Variants in NEK1 observed in about 807,000 individuals in gnomAD.
NEK1 encodes the protein serine/threonine-protein kinase Nek1.
In NEK1, 137 loss-of-function variants were observed where a neutral mutation model predicts 182.1. The ratio of observed to expected loss-of-function variants is 0.75; its 90% CI spans 0.65 to 0.87. NEK1 has a LOEUF of 0.87. NEK1 is among the 40% of genes least tolerant of loss of function. The probability of loss-of-function intolerance (pLI) is 0.00; values close to 1 mark genes in which losing one functional copy is unlikely to be tolerated. For missense variants in NEK1, 1,391 were observed against 1,494.4 expected, an observed-to-expected ratio of 0.93 and a Z score of 1.14; for synonymous variants, 513 against 492.2, an observed-to-expected ratio of 1.04 and a Z score of -0.56.
chr4:169,515,772 G>C (rs1365348916), intron 19 of NEK1, among the ~76,000 whole-genome samples: 3 of 46,684 alleles, frequency 6.4e-5, no homozygotes, highest in Non-Finnish European at 8.4e-5. Flanking sequence ...TTGTTCTTGC[G>C]ATAGTTTACT....
rs1416557261 is a variant in NEK1 at position 169,479,468 on chromosome 4, A to C, written c.2074T>G (p.Ser692Ala). Residue 692 changes from serine (S) to alanine (A), a missense_variant, in exon 24 of 36, where the codon TCT (serine) becomes GCT (alanine). This residue lies in a region of NEK1 where 1,216 missense variants were observed against 1,277.6 expected (regional missense o/e 0.95). Transcript: ENST00000507142. ...PPLGQHETGG[S>A]PSKQQMRSVI... The stretch of plus-strand genomic sequence containing the variant: ...GATCTCATCTGTTGCTTTGATGGAG[A>C]GCCACCTGTTTCATGCTGTCCCAAA... 3.1e-6 allele frequency: 5 copies of C among 1,612,148 alleles called. No individual in the cohort carries two copies. In the East Asian group the frequency reaches 1.1e-4, roughly 36 times the overall value.
At chr4:169,535,310 C>T (rs189997004) in intron 19 of NEK1, among the ~76,000 whole-genome samples, 23 of 151,596 alleles carry the variant, frequency 1.5e-4, no homozygotes, top group Admixed American at 3.9e-4. Flanking sequence ...GCAACAAGAG[C>T]GAAAACTCTG....
intron 23 of NEK1, among the ~76,000 whole-genome samples, chr4:169,498,811 A>G (rs576673881): frequency 3.9e-5 from 6 of 152,300 alleles, no homozygotes; most frequent in Admixed American, 2.0e-4. Context: ...TAGGTAACCC[A>G]ACCTTTCTCT....
intron 23 of NEK1, among the ~76,000 whole-genome samples, chr4:169,495,993 A>C (rs375750205): frequency 8.5e-5 from 13 of 152,252 alleles, no homozygotes; most frequent in Admixed American, 2.6e-4. Context: ...TTACCTTGGG[A>C]AGTAGGGCCA....
At chr4:169,569,151 A>G (rs545160509) in intron 12 of NEK1, among the ~76,000 whole-genome samples, 2 of 152,342 alleles carry the variant, frequency 1.3e-5, no homozygotes, top group African/African-American at 2.4e-5. Flanking sequence ...ATTACTTCAA[A>G]GAACCAAATA....
intron 12 of NEK1, among the ~76,000 whole-genome samples, chr4:169,568,895 C>CCATT (rs1764156012): frequency 6.7e-6 from 1 of 150,282 alleles, no homozygotes; most frequent in Non-Finnish European, 1.5e-5. Flanking sequence ...CGAGATCACG[C>CCATT]CATTGCACTC....
intron 5 of NEK1, among the ~76,000 whole-genome samples, chr4:169,598,417 A>G (rs1430935772): frequency 6.6e-6 from 1 of 152,176 alleles, no homozygotes; most frequent in Non-Finnish European, 1.5e-5. Flanking sequence ...GTAGTTATGG[A>G]AAATTTAAAG....
chr4:169,525,130 T>G (rs936450292), intron 19 of NEK1, among the ~76,000 whole-genome samples: 4 of 151,962 alleles, frequency 2.6e-5, no homozygotes, highest in African/African-American at 9.7e-5. Context: ...TTTATTTTAT[T>G]TTTATTTTAT....
intron 19 of NEK1, among the ~76,000 whole-genome samples, chr4:169,521,583 C>T (rs999641730): frequency 6.6e-5 from 10 of 152,236 alleles, no homozygotes; most frequent in Non-Finnish European, 1.3e-4. Flanking sequence ...CTCTTTTTAT[C>T]TCTTTGTCCT....
At chr4:169,401,976 A>T (rs1731770987) in intron 32 of NEK1, 116 bp from the exon 33 acceptor site, 3 of 764,966 alleles carry the variant, frequency 3.9e-6, no homozygotes, top group Non-Finnish European at 4.0e-6. Context: ...GGCACTTCTT[A>T]AAAAATCCTA....
At chr4:169,405,782 G>C (rs72691031) in intron 32 of NEK1, among the ~76,000 whole-genome samples, 2 of 152,000 alleles carry the variant, frequency 1.3e-5, no homozygotes, top group Non-Finnish European at 2.9e-5. Context: ...TACCTACAAG[G>C]CATGTGGAAA....
chr4:169,400,509 C>A lies in NEK1; in HGVS notation c.3714+12G>T. ...AGCACATTTTAAGTGTTTTAATTGACTTTTCACTTACCTTTATTTTCTCAT... is the reference window on the plus strand; with the variant it reads ...AGCACATTTTAAGTGTTTTAATTGAATTTTCACTTACCTTTATTTTCTCAT... On this transcript the variant is annotated intron_variant, in intron 34 of 35. Transcript: ENST00000507142. 6.3e-7 allele frequency: 1 copy of A among 1,593,168 alleles called. No homozygotes were observed. Among genetic ancestry groups the A allele is most frequent in the Non-Finnish European group, 8.5e-7 (1 of 1,172,188 alleles).
At chr4:169,563,177 T>C (rs1253179622) in intron 12 of NEK1, among the ~76,000 whole-genome samples, 7 of 151,916 alleles carry the variant, frequency 4.6e-5, no homozygotes, top group African/African-American at 1.5e-4. Flanking sequence ...CTGGATAACA[T>C]AGTGAGTCCC....
intron 18 of NEK1, among the ~76,000 whole-genome samples, chr4:169,542,273 T>A (rs1002702940): frequency 9.2e-5 from 14 of 152,198 alleles, no homozygotes; most frequent in Non-Finnish European, 1.0e-4. Flanking sequence ...TTTGGTTGTC[T>A]GTTCTTGTGT....
chr4:169,590,797 A>G lies in NEK1; in HGVS notation c.325T>C (p.Phe109Leu). The change falls in exon 6 of 36, where the codon TTT becomes CTT. Residue 109 changes from phenylalanine (F) to leucine (L), a missense_variant. Phe to Leu is a conservative substitution (Grantham distance 22, BLOSUM62 0). Around this residue, in one of 5 missense-constraint regions of NEK1, gnomAD observed 116 missense variants for 114.5 expected, o/e 1.01. Coordinates refer to ENST00000507142, the MANE Select transcript of NEK1 (RefSeq NM_001199397.3). Reference sequence around the variant, plus strand: ...TTCAGGGCCAAACATATCTGTACAAACCAGTCCAAAATCTAGGAAGAAAAA... The same window carrying G: ...TTCAGGGCCAAACATATCTGTACAAGCCAGTCCAAAATCTAGGAAGAAAAA... ...LFQEDQILDWFVQICLALKHV... is the reference protein window; with the variant it reads ...LFQEDQILDWLVQICLALKHV... The G allele has an allele frequency of 6.3e-7, 1 of 1,593,992 alleles. No individual in the cohort carries two copies.
At chr4:169,600,897 T>C (rs1280463137) in intron 4 of NEK1, among the ~76,000 whole-genome samples, 1 of 152,214 alleles carries the variant, frequency 6.6e-6, no homozygotes, top group Non-Finnish European at 1.5e-5. Context: ...GATGTTTCTA[T>C]GTGAAGCAGT....
chr4:169,487,398 G>GAGGGA (rs1749228883), intron 23 of NEK1, among the ~76,000 whole-genome samples: 3 of 152,186 alleles, frequency 2.0e-5, no homozygotes, highest in Admixed American at 2.0e-4. Context: ...CCACTTATAA[G>GAGGGA]TGATACCATG....
intron 28 of NEK1, 62 bp from the exon 29 acceptor site, chr4:169,433,727 TA>T: frequency 1.3e-6 from 2 of 1,503,920 alleles, no homozygotes; most frequent in Non-Finnish European, 1.8e-6. Context: ...GAATATTGAA[TA>T]AACTTGCTAT....
chr4:169,555,826 C>G lies in NEK1; in HGVS notation c.1456G>C (p.Gly486Arg), dbSNP rs1421616866. ...ERGILPGVRP[G>R]FPYGAAGHHH... ...TGACCTGCAGCCCCATAAGGAAATC[C>G]TGGACGAACTCCAGGCAGAATTCCT... The change falls in exon 18 of 36, where the codon GGA (glycine) becomes CGA (arginine). Residue 486 changes from glycine (G) to arginine (R), a missense_variant. Around this residue, in one of 5 missense-constraint regions of NEK1, gnomAD observed 1,216 missense variants for 1,277.6 expected, o/e 0.95. Transcript: ENST00000507142. 2 of 1,613,814 alleles carry G rather than the reference C, an allele frequency of 1.2e-6. No homozygotes were observed. Among genetic ancestry groups the G allele is most frequent in the African/African-American group, 2.7e-5 (2 of 74,918 alleles).
Sources: allele counts gnomAD v4.1 joint callset (sites outside exome capture counted in the v4.1 genomes callset), GRCh38; gene constraint gnomAD v4.1.1; regional missense constraint gnomAD v4.1.1; transcripts MANE v1.5; gene names NCBI Gene and HGNC (gene_info 2026-07-23, HGNC 2026-07-21).